HSF2: variants seen among roughly 807,000 people sequenced by gnomAD.
HSF2 encodes heat shock transcription factor 2, also known as heat shock factor protein 2.
A neutral mutation model predicts 65.0 loss-of-function variants in HSF2; 21 were observed. That is an observed-to-expected ratio of 0.32 (90% CI 0.23 to 0.47). HSF2 has a LOEUF of 0.47. Ranked by LOEUF, HSF2 falls within the 20% of genes least tolerant of loss-of-function variation. The pLI, the probability that HSF2 is intolerant of heterozygous loss-of-function variation, is 1.00. For missense variants in HSF2, 499 were observed against 628.1 expected (o/e 0.79, Z 2.20); for synonymous variants, 225 against 219.1 (o/e 1.03, Z -0.24).
At chr6:122,421,261 A>T (rs979502239) in intron 7 of HSF2, among the ~76,000 whole-genome samples, 5 of 151,926 alleles carry the variant, frequency 3.3e-5, no homozygotes, top group Admixed American at 3.3e-4. Context: ...CTTTTTTATT[A>T]TCTTTTTGTT....
chr6:122,406,813 A>G lies in HSF2; in HGVS notation c.94-5560A>G, dbSNP rs900640603. ...ACTTGAAAATTGTTTAATTTTTCTTAAATTTGACCATGCCTAGTCATATGG... is the reference window on the plus strand; with the variant it reads ...ACTTGAAAATTGTTTAATTTTTCTTGAATTTGACCATGCCTAGTCATATGG... On this transcript the variant is annotated intron_variant, in intron 1 of 12. Coordinates refer to ENST00000368455, the MANE Select transcript of HSF2 (RefSeq NM_004506.4). Among the ~76,000 whole-genome samples, 4 of 152,158 alleles carry G rather than the reference A, an allele frequency of 2.6e-5. No individual in the cohort carries two copies. In the East Asian group the frequency reaches 7.7e-4, roughly 29 times the overall value.
intron 10 of HSF2, among the ~76,000 whole-genome samples, chr6:122,424,699 T>G (rs572817617): frequency 6.6e-6 from 1 of 152,238 alleles, no homozygotes; most frequent in South Asian, 2.1e-4. Flanking sequence ...TTTGTATCCA[T>G]GTTGATAACC....
intron 1 of HSF2, among the ~76,000 whole-genome samples, chr6:122,405,039 T>C (rs1773837148): frequency 6.6e-6 from 1 of 152,134 alleles, no homozygotes; most frequent in Non-Finnish European, 1.5e-5. Flanking sequence ...GACCTAATAT[T>C]GTGCTAGGTA....
chr6:122,410,303 C>G (rs1290986513), intron 1 of HSF2, among the ~76,000 whole-genome samples: 1 of 151,460 alleles, frequency 6.6e-6, no homozygotes, highest in Non-Finnish European at 1.5e-5. Flanking sequence ...TTTTGTATTT[C>G]TATAGTTTTA....
intron 1 of HSF2, among the ~76,000 whole-genome samples, chr6:122,408,272 C>T (rs1367206561): frequency 6.6e-6 from 1 of 151,430 alleles, no homozygotes; most frequent in Non-Finnish European, 1.5e-5. Flanking sequence ...ATCTATCCTT[C>T]AGGAGTGCCT....
In HSF2 at chr6:122,423,668, C is replaced by T; in HGVS notation, c.1158C>T (p.Asp386=). Residue 386 remains aspartate, a synonymous_variant, in exon 10 of 13, where the codon GAC becomes GAT. Transcript: ENST00000368455. ...AMLSGRQFSI[D]PDLLVDLFTS... ...TATCAGGAAGACAATTTAGCATAGA[C>T]CCAGATCTCCTGGTTGATGTAGGTA... 6.2e-7 allele frequency: 1 copy of T among 1,600,380 alleles called. No homozygotes were observed. The highest frequency in any genetic ancestry group is 8.6e-7 in the Non-Finnish European group (1 of 1,169,570).
At chr6:122,422,597 CAAG>C in intron 8 of HSF2, 118 bp from the exon 9 acceptor site, 1 of 1,025,682 alleles carries the variant, frequency 9.7e-7, no homozygotes, top group Non-Finnish European at 1.5e-6. Context: ...GCTGCTCGCT[CAAG>C]AAATTTAAGC....
chr6:122,421,668 T>G (rs1284176448), intron 7 of HSF2, among the ~76,000 whole-genome samples: 4 of 152,024 alleles, frequency 2.6e-5, no homozygotes, highest in African/African-American at 9.7e-5. Flanking sequence ...CAAGCTAACA[T>G]GTAACTGAGA....
intron 10 of HSF2, among the ~76,000 whole-genome samples, chr6:122,425,421 G>T (rs1774318344): frequency 6.6e-6 from 1 of 151,898 alleles, no homozygotes; most frequent in South Asian, 2.1e-4. Context: ...TTTGGGTTCT[G>T]TTATAGGCTC....
chr6:122,416,184 T>G, intron 4 of HSF2, 37 bp from the exon 5 acceptor site: 1 of 1,341,100 alleles, frequency 7.5e-7, no homozygotes, highest in South Asian at 1.2e-5. Context: ...TTGATTGATT[T>G]TTTTTTTGTT....
At chr6:122,411,642 A>G (rs1773997317) in intron 1 of HSF2, among the ~76,000 whole-genome samples, 2 of 151,834 alleles carry the variant, frequency 1.3e-5, no homozygotes, top group East Asian at 1.9e-4. Flanking sequence ...ATTTTTTTGT[A>G]TGTAGATATC....
At chr6:122,412,035 G>A (rs928432895) in intron 1 of HSF2, among the ~76,000 whole-genome samples, 1 of 151,474 alleles carries the variant, frequency 6.6e-6, no homozygotes, top group Non-Finnish European at 1.5e-5. Context: ...AATTGCACTA[G>A]TTTTAAAACA....
At chr6:122,405,522 A>AC (rs1317042357) in intron 1 of HSF2, among the ~76,000 whole-genome samples, 1 of 152,102 alleles carries the variant, frequency 6.6e-6, no homozygotes, top group African/African-American at 2.4e-5. Context: ...CCAAGTAAGA[A>AC]CCTTTTTTGC....
chr6:122,407,358 C>T (rs1277313209), intron 1 of HSF2, among the ~76,000 whole-genome samples: 2 of 152,140 alleles, frequency 1.3e-5, no homozygotes, highest in African/African-American at 4.8e-5. Context: ...CCAAAGAGAT[C>T]ACACCAGCTT....
chr6:122,419,856 G>C (rs1057395144), intron 6 of HSF2, among the ~76,000 whole-genome samples: 1 of 152,088 alleles, frequency 6.6e-6, no homozygotes, highest in African/African-American at 2.4e-5. Flanking sequence ...ACAGTTCATA[G>C]AGTTGTGTGG....
chr6:122,410,533 A>G (rs1476633019), intron 1 of HSF2, among the ~76,000 whole-genome samples: 1 of 151,800 alleles, frequency 6.6e-6, no homozygotes, highest in Non-Finnish European at 1.5e-5. Context: ...TTATCTTTCC[A>G]CACTGAAACT....
chr6:122,410,574 C>T lies in HSF2; in HGVS notation c.94-1799C>T, dbSNP rs1244249685. Among the ~76,000 whole-genome samples the T allele has an allele frequency of 2.6e-5, 4 of 151,958 alleles. No individual in the cohort carries two copies. In the East Asian group the frequency reaches 7.7e-4, roughly 29 times the overall value. On this transcript the variant is annotated intron_variant, in intron 1 of 12. Transcript: ENST00000368455. ...CCCATTTCACAATAACTTCTAACTC[C>T]TTCCTCCCCGCAGCCCCTGACAACC...
At chr6:122,408,685 A>G (rs1428295554) in intron 1 of HSF2, among the ~76,000 whole-genome samples, 1 of 151,906 alleles carries the variant, frequency 6.6e-6, no homozygotes, top group Admixed American at 6.6e-5. Context: ...ATTGACATTT[A>G]TTTTCTTCCT....
chr6:122,409,886 C>A (rs1353436799), intron 1 of HSF2, among the ~76,000 whole-genome samples: 2 of 151,792 alleles, frequency 1.3e-5, no homozygotes, highest in Non-Finnish European at 2.9e-5. Context: ...ATTTTTCTTC[C>A]CAAATGGAAA....
Sources: allele counts gnomAD v4.1 joint callset (sites outside exome capture counted in the v4.1 genomes callset), GRCh38; gene constraint gnomAD v4.1.1; transcripts MANE v1.5; gene names NCBI Gene and HGNC (gene_info 2026-07-23, HGNC 2026-07-21).